SSTR3: variants seen among roughly 807,000 people sequenced by gnomAD.
SSTR3 encodes somatostatin receptor 3.
For missense variants in SSTR3, 504 were observed against 604.7 expected (o/e 0.83, Z 1.75); for synonymous variants, 281 against 269.2 (o/e 1.04, Z -0.43).
chr22:37,206,729 C>T lies in SSTR3; in HGVS notation c.1075G>A (p.Glu359Lys). The change falls in exon 2 of 2, where the codon GAG (glutamate) becomes AAG (lysine). Residue 359 changes from glutamate (E) to lysine (K), a missense_variant. By Grantham distance (56) the Glu-to-Lys change is moderately conservative. Coordinates refer to ENST00000610913, the MANE Select transcript of SSTR3 (RefSeq NM_001051.5). ...CCCTTGCCCCCCTCCCTGCTCTCCT[C>T]CCCATCCTCCTCCTCCTCATCCTCC... Reference protein sequence around the residue: ...EEEDEEEEDGEESREGGKGKE... With the variant: ...EEEDEEEEDGKESREGGKGKE... 4 of 1,609,184 alleles carry T rather than the reference C, an allele frequency of 2.5e-6. No individual in the cohort carries two copies. Among genetic ancestry groups the T allele is most frequent in the Non-Finnish European group, 3.4e-6 (4 of 1,179,872 alleles).
Position 37,207,282 on chromosome 22 carries a change from C to T in SSTR3, c.522G>A (p.Val174=), listed in dbSNP as rs761469216. Residue 174 remains valine, a synonymous_variant, in exon 2 of 2, where the codon GTG becomes GTA. Transcript: ENST00000610913. ...CCGAGAAGACCACCACGGGCAGCAC[C>T]ACCACGGCTGAGGCCACCCACACAG... ...SAAVWVASAV[V]VLPVVVFSGV... is the part of the protein sequence containing the mutation. The T allele has an allele frequency of 1.3e-5, 20 of 1,594,146 alleles. No homozygotes were observed. Among genetic ancestry groups the T allele is most frequent in the Non-Finnish European group, 1.6e-5 (19 of 1,169,134 alleles).
At chr22:37,214,084 C>T (rs1926335913), upstream of SSTR3, among the ~76,000 whole-genome samples, 1 of 152,102 alleles carries the variant, frequency 6.6e-6, no homozygotes, top group Non-Finnish European at 1.5e-5. Context: ...CATCAGTGTG[C>T]CCCCTGCCAC....
In SSTR3 at chr22:37,207,579, G is replaced by C. The variant is rs1569079635; in HGVS notation, c.225C>G (p.Ser75Arg). 6.2e-7 allele frequency: 1 copy of C among 1,613,226 alleles called. No individual in the cohort carries two copies. The highest frequency in any genetic ancestry group is 8.5e-7 in the Non-Finnish European group (1 of 1,179,622). ...GGATGTAGACGTTGGTGACTGAAGG[G>C]CTGGCCGTGTGCCGCAGGACCACAT... ...VIYVVLRHTA[S>R]PSVTNVYILN... Residue 75 changes from serine to arginine, a missense_variant, in exon 2 of 2, where the codon AGC (serine) becomes AGG (arginine). Transcript: ENST00000610913.
chr22:37,206,788 T>C lies in SSTR3; in HGVS notation c.1016A>G (p.Glu339Gly), dbSNP rs1487541768. The C allele has an allele frequency of 1.2e-6, 2 of 1,611,720 alleles. No homozygotes were observed. The highest frequency in any genetic ancestry group is 2.2e-5 in the East Asian group (1 of 44,894). The change falls in exon 2 of 2, where the codon GAG becomes GGG. Residue 339 changes from glutamate to glycine, a missense_variant. Transcript: ENST00000610913. ...LRPSRRVRSQ[E>G]PTVGPPEKTE... ...CTTCTCCGGGGGCCCCACAGTGGGC[T>C]CCTGGCTGCGCACACGGCGGGAGGG...
chr22:37,210,799 C>T (rs1163823635), intron 1 of SSTR3: 1 of 985,436 alleles, frequency 1.0e-6, no homozygotes, highest in Non-Finnish European at 1.2e-6. Context: ...GCCCATCTCC[C>T]ACCCGCTAGA....
intron 1 of SSTR3, among the ~76,000 whole-genome samples, chr22:37,208,300 G>C (rs527237055): frequency 5.3e-5 from 8 of 152,328 alleles, no homozygotes; most frequent in African/African-American, 1.9e-4. Flanking sequence ...AACTTCAGAG[G>C]ATCCATGAAC....
At chr22:37,208,003 G>C (rs887334537) in intron 1 of SSTR3, among the ~76,000 whole-genome samples, 164 bp from the exon 2 acceptor site, 1 of 152,128 alleles carries the variant, frequency 6.6e-6, no homozygotes, top group Admixed American at 6.5e-5. Flanking sequence ...CATTCACCCC[G>C]CACAGCCCCG....
the SSTR3 span, among the ~76,000 whole-genome samples, chr22:37,217,838 G>C: frequency 1.3e-5 from 2 of 152,046 alleles, no homozygotes; most frequent in African/African-American, 4.8e-5. Flanking sequence ...TGAGTAGCTG[G>C]GATTACAGGC....
chr22:37,215,298 C>T (rs2145811293), upstream of SSTR3, among the ~76,000 whole-genome samples: 1 of 152,264 alleles, frequency 6.6e-6, no homozygotes, highest in Non-Finnish European at 1.5e-5. Context: ...GCCAAGCTAG[C>T]CTCAAACTCC....
chr22:37,216,648 C>T (rs1926459831), upstream of SSTR3, among the ~76,000 whole-genome samples: 1 of 152,252 alleles, frequency 6.6e-6, no homozygotes, highest in Non-Finnish European at 1.5e-5. Flanking sequence ...CCCCTTGGGC[C>T]TGTGCGCAGC....
chr22:37,216,433 G>A (rs1271512920), upstream of SSTR3, among the ~76,000 whole-genome samples: 1 of 152,100 alleles, frequency 6.6e-6, no homozygotes, highest in Non-Finnish European at 1.5e-5. Context: ...CATGATTAAT[G>A]CAATGTAAAT....
Position 37,207,391 on chromosome 22 carries a change from C to T in SSTR3, c.413G>A (p.Ser138Asn). 1 of 1,612,880 alleles carries T rather than the reference C, an allele frequency of 6.2e-7. No individual in the cohort carries two copies. The highest frequency in any genetic ancestry group is 1.1e-5 in the South Asian group (1 of 91,052). ...FTSIFCLTVM[S>N]VDRYLAVVHP... is the part of the protein sequence containing the mutation. ...TACCACGGCCAGGTAGCGGTCCACGCTCATGACAGTCAGGCAGAATATGCT... is the reference window on the plus strand; with the variant it reads ...TACCACGGCCAGGTAGCGGTCCACGTTCATGACAGTCAGGCAGAATATGCT... The change falls in exon 2 of 2, where the codon AGC becomes AAC. Residue 138 changes from serine to asparagine, a missense_variant. Physicochemically the swap from Ser to Asn is conservative, Grantham distance 46. Coordinates refer to ENST00000610913, the MANE Select transcript of SSTR3 (RefSeq NM_001051.5).
intron 1 of SSTR3, chr22:37,210,857 C>G: frequency 2.0e-6 from 2 of 985,458 alleles, no homozygotes; most frequent in Non-Finnish European, 2.4e-6. Context: ...TTTCTTAACC[C>G]CAGAACCTAG....
upstream of SSTR3, among the ~76,000 whole-genome samples, chr22:37,215,017 T>TCC (rs1193054111): frequency 6.6e-6 from 1 of 152,162 alleles, no homozygotes; most frequent in Non-Finnish European, 1.5e-5. Context: ...CAACACTCCC[T>TCC]CCTTCAGGAT....
In SSTR3 at chr22:37,207,047, G is replaced by T. The variant is rs774446220; in HGVS notation, c.757C>A (p.Arg253Ser). 2.5e-6 allele frequency: 4 copies of T among 1,612,290 alleles called. No homozygotes were observed. In the African/African-American group the frequency reaches 5.3e-5, roughly 22 times the overall value. The change falls in exon 2 of 2, where the codon CGC (arginine) becomes AGC (serine). Residue 253 changes from arginine to serine, a missense_variant. Coordinates refer to ENST00000610913, the MANE Select transcript of SSTR3 (RefSeq NM_001051.5). ...GCCACCACCATGCGCGTGACCCTGCGTTCGGAGCGCCGCCGCCGCTGGCAC... is the reference window on the plus strand; with the variant it reads ...GCCACCACCATGCGCGTGACCCTGCTTTCGGAGCGCCGCCGCCGCTGGCAC... ...PSCQRRRRSE[R>S]RVTRMVVAVV...
upstream of SSTR3, among the ~76,000 whole-genome samples, chr22:37,212,611 C>A (rs995718040): frequency 2.6e-5 from 4 of 152,232 alleles, no homozygotes; most frequent in South Asian, 4.1e-4. Flanking sequence ...CACCCACGCC[C>A]GCTGGCCTTG....
At position 37,207,645 on chromosome 22, in the gene SSTR3, C is replaced by T. The variant is rs113718469; in HGVS notation, c.159G>A (p.Val53=). The part of the protein sequence containing the change: ...SGVLIPLVYL[V]VCVVGLLGNS... ...TACCCAGCAGGCCCACCACGCACAC[C>T]ACCAGGTAGACCAGGGGGATCAGAA... The change falls in exon 2 of 2, where the codon GTG becomes GTA. Residue 53 remains valine, a synonymous_variant. Transcript: ENST00000610913. 9 of 1,595,258 alleles carry T rather than the reference C, an allele frequency of 5.6e-6. No individual in the cohort carries two copies. Among genetic ancestry groups the T allele is most frequent in the African/African-American group, 5.4e-5 (4 of 74,668 alleles).
intron 1 of SSTR3, among the ~76,000 whole-genome samples, chr22:37,211,417 G>A (rs4821600): frequency 2.9e-4 from 44 of 152,058 alleles, no homozygotes; most frequent in African/African-American, 9.9e-4. Flanking sequence ...ACTTCTCCCC[G>A]CTGCACCTCA....
At chr22:37,209,758 G>A (rs1402603574) in intron 1 of SSTR3, among the ~76,000 whole-genome samples, 1 of 152,198 alleles carries the variant, frequency 6.6e-6, no homozygotes, top group Non-Finnish European at 1.5e-5. Context: ...CCACCTCTAC[G>A]CCCATTCCAC....
Sources: gnomAD v4.1 joint callset for allele counts (sites outside exome capture counted in the v4.1 genomes callset) on GRCh38, gnomAD v4.1.1 for gene constraint, MANE v1.5 for transcripts, NCBI Gene and HGNC (gene_info 2026-07-23, HGNC 2026-07-21) for gene names.